Variants in SUGCT observed in about 807,000 individuals in gnomAD.
SUGCT encodes the protein succinyl-CoA:glutarate CoA-transferase.
Under a neutral mutation model 55.0 loss-of-function variants are expected in SUGCT, and 41 were observed. That is an observed-to-expected ratio of 0.74 (90% CI 0.58 to 0.97). The LOEUF is 0.97. SUGCT is among the 50% of genes least tolerant of loss of function. SUGCT has a pLI of 0.00. For synonymous variants in SUGCT, 187 were observed against 200.4 expected (o/e 0.93, Z 0.56); for missense variants, 568 against 547.8 (o/e 1.04, Z -0.37).
At chr7:40,802,571 C>T (rs911303578) in intron 13 of SUGCT, among the ~76,000 whole-genome samples, 3 of 152,144 alleles carry the variant, frequency 2.0e-5, no homozygotes, top group Admixed American at 1.3e-4. Flanking sequence ...CCAGCAAAGC[C>T]TAGTGATTGC....
At chr7:40,230,279 A>G (rs1034020926) in intron 6 of SUGCT, among the ~76,000 whole-genome samples, 12 of 152,220 alleles carry the variant, frequency 7.9e-5, no homozygotes, top group Admixed American at 6.5e-4. Context: ...AAGAGTTTGC[A>G]TGTCTGAAGA....
chr7:40,307,917 A>G (rs938756497), intron 8 of SUGCT, among the ~76,000 whole-genome samples: 4 of 152,210 alleles, frequency 2.6e-5, no homozygotes, highest in Non-Finnish European at 4.4e-5. Context: ...GAGATGCCAG[A>G]AACTCAAAAT....
At chr7:40,151,520 G>A (rs61119917) in intron 1 of SUGCT, 5,773 of 177,828 alleles carry the variant, frequency 0.032, 343 homozygotes, top group African/African-American at 0.13. Flanking sequence ...GCATTGGCAC[G>A]AGGATAGTAT....
Position 40,193,180 on chromosome 7 carries a change from A to G in SUGCT, c.364-1760A>G, listed in dbSNP as rs186683427. ...CGAAGCCTTGGTATGTTGCCCAGGCATGTCTTGAACTCCTGACCTCAAGTG... is the reference window on the plus strand; with the variant it reads ...CGAAGCCTTGGTATGTTGCCCAGGCGTGTCTTGAACTCCTGACCTCAAGTG... On this transcript the variant is annotated intron_variant, in intron 5 of 13. Transcript: ENST00000335693. Among the ~76,000 whole-genome samples, 682 of 149,684 alleles carry G rather than the reference A, an allele frequency of 4.6e-3. 9 individuals carry two copies. Among genetic ancestry groups the G allele is most frequent in the African/African-American group, 0.016 (647 of 40,622 alleles).
the SUGCT span, among the ~76,000 whole-genome samples, chr7:40,980,759 C>T: frequency 5.3e-5 from 8 of 152,166 alleles, no homozygotes; most frequent in South Asian, 2.1e-4. Context: ...TGCAGTGGTG[C>T]GATCTCAGCT....
rs192780828 is a variant in SUGCT, at chr7:40,223,084, G to A, written c.485-14551G>A. On this transcript the variant is annotated intron_variant, in intron 6 of 13. Coordinates refer to ENST00000335693, the MANE Select transcript of SUGCT (RefSeq NM_001193313.2). ...TTCCATTTCTTTCTTTCTTTTTGAG[G>A]TAGTCTTTCTCCGTTGCACAGGCTG... is the stretch of plus-strand genomic sequence containing the variant. Among the ~76,000 whole-genome samples the A allele has an allele frequency of 5.8e-4, 81 of 138,678 alleles. 1 individual carries two copies. Among genetic ancestry groups the A allele is most frequent in the African/African-American group, 2.1e-3 (78 of 37,164 alleles). The allele number at this position is 138,678 out of a possible 152,430, so 91.0% of individuals were successfully genotyped here.
the SUGCT span, among the ~76,000 whole-genome samples, chr7:41,018,501 A>G: frequency 6.6e-6 from 1 of 152,244 alleles, no homozygotes; most frequent in Non-Finnish European, 1.5e-5. Context: ...TTCAAGTCAG[A>G]TAAAGAGATT....
At chr7:41,026,214 A>G in the SUGCT span, among the ~76,000 whole-genome samples, 1 of 152,142 alleles carries the variant, frequency 6.6e-6, no homozygotes, top group African/African-American at 2.4e-5. Flanking sequence ...TGGGCCTCCC[A>G]TATTATGTAG....
chr7:40,944,619 T>C, the SUGCT span, among the ~76,000 whole-genome samples: 2 of 152,318 alleles, frequency 1.3e-5, no homozygotes, highest in South Asian at 4.1e-4. Flanking sequence ...CTGAGGGCTC[T>C]GTTCTGTTCC....
chr7:40,484,076 G>A (rs1356912631), intron 11 of SUGCT, among the ~76,000 whole-genome samples: 1 of 152,096 alleles, frequency 6.6e-6, no homozygotes, highest in Non-Finnish European at 1.5e-5. Flanking sequence ...TGAGAAAATT[G>A]GAGCTCAGAG....
the SUGCT span, among the ~76,000 whole-genome samples, chr7:40,961,078 T>G: frequency 5.9e-5 from 9 of 152,330 alleles, no homozygotes; most frequent in Admixed American, 2.0e-4. Flanking sequence ...AACAACACTA[T>G]CACGGTTTAC....
intron 12 of SUGCT, among the ~76,000 whole-genome samples, chr7:40,617,373 G>A (rs1229974403): frequency 2.6e-5 from 4 of 151,918 alleles, no homozygotes; most frequent in East Asian, 1.9e-4. Context: ...GAAGTGTACC[G>A]ATGAAATGTC....
intron 9 of SUGCT, among the ~76,000 whole-genome samples, chr7:40,447,661 A>T (rs1315812442): frequency 6.6e-6 from 1 of 152,116 alleles, no homozygotes; most frequent in Non-Finnish European, 1.5e-5. Flanking sequence ...TGGTATTTTT[A>T]TGGAGAACTG....
chr7:40,522,843 A>G (rs759884111), intron 12 of SUGCT, among the ~76,000 whole-genome samples: 1 of 152,104 alleles, frequency 6.6e-6, no homozygotes, highest in Non-Finnish European at 1.5e-5. Context: ...TGAGGGTTTC[A>G]CGCTGCTATT....
chr7:40,479,548 A>G (rs1399461228), intron 11 of SUGCT, among the ~76,000 whole-genome samples: 6 of 152,186 alleles, frequency 3.9e-5, no homozygotes, highest in African/African-American at 1.4e-4. Context: ...CTGTATACCT[A>G]GAAGTGAGAT....
chr7:41,011,973 G>A, the SUGCT span, among the ~76,000 whole-genome samples: 3 of 151,948 alleles, frequency 2.0e-5, no homozygotes, highest in African/African-American at 4.8e-5. Context: ...GGTGTTTTAC[G>A]TTCTTTCTCT....
At chr7:40,818,399 C>A (rs1321804233) in intron 13 of SUGCT, among the ~76,000 whole-genome samples, 1 of 152,174 alleles carries the variant, frequency 6.6e-6, no homozygotes, top group Non-Finnish European at 1.5e-5. Flanking sequence ...CTTGTGTTGC[C>A]TCACCCCCCT....
the SUGCT span, among the ~76,000 whole-genome samples, chr7:41,011,545 C>T: frequency 6.6e-6 from 1 of 152,196 alleles, no homozygotes; most frequent in Non-Finnish European, 1.5e-5. Context: ...AGACCATACC[C>T]CAGACTTACT....
intron 12 of SUGCT, among the ~76,000 whole-genome samples, chr7:40,602,813 T>A (rs976976902): frequency 1.3e-5 from 2 of 152,212 alleles, no homozygotes; most frequent in African/African-American, 4.8e-5. Context: ...CTCCCTTCCA[T>A]GGGATTAGCA....
Sources: allele counts gnomAD v4.1 joint callset (sites outside exome capture counted in the v4.1 genomes callset), GRCh38; gene constraint gnomAD v4.1.1; transcripts MANE v1.5; gene names NCBI Gene and HGNC (gene_info 2026-07-23, HGNC 2026-07-21).